Variants in NEK11 observed in about 807,000 individuals in gnomAD.
NEK11 encodes serine/threonine-protein kinase Nek11.
A neutral mutation model predicts 80.7 loss-of-function variants in NEK11; 72 were observed. The observed-to-expected ratio is 0.89, with a 90% CI of 0.74 to 1.08. The LOEUF (loss-of-function observed/expected upper bound fraction) is 1.08, where lower values mean the gene tolerates loss of function less well. Among genes scored for constraint, NEK11 ranks in the 50% least tolerant of loss-of-function variants. The pLI is 0.00. For missense variants in NEK11, 764 were observed against 763.6 expected, an observed-to-expected ratio of 1.00 and a Z score of -0.01; for synonymous variants, 251 against 260.7, an observed-to-expected ratio of 0.96 and a Z score of 0.36.
intron 3 of NEK11, among the ~76,000 whole-genome samples, chr3:131,060,417 C>T (rs1176810299): frequency 6.6e-6 from 1 of 152,168 alleles, no homozygotes; most frequent in Non-Finnish European, 1.5e-5. Context: ...ATAATTCAAT[C>T]CAAGTTTATC....
intron 17 of NEK11, among the ~76,000 whole-genome samples, chr3:131,315,972 A>AT (rs1354207187): frequency 6.6e-6 from 1 of 151,820 alleles, no homozygotes; most frequent in African/African-American, 2.4e-5. Context: ...GTATGCTTTT[A>AT]TTTTTTTAGT....
intron 17 of NEK11, among the ~76,000 whole-genome samples, chr3:131,279,222 C>T (rs905260232): frequency 1.3e-5 from 2 of 151,784 alleles, no homozygotes; most frequent in Non-Finnish European, 2.9e-5. Flanking sequence ...TGGTGGCACA[C>T]GTCTGTAATC....
At position 131,318,739 on chromosome 3, in the gene NEK11, G is replaced by GTGTA. The variant is rs1554011446; in HGVS notation, c.1719-30817_1719-30816insGTAT. Among the ~76,000 whole-genome samples the GTGTA allele has an allele frequency of 6.9e-3, 1,003 of 145,540 alleles. 5 individuals are homozygous for GTGTA. Among genetic ancestry groups the GTGTA allele is most frequent in the Admixed American group, 0.013 (183 of 14,530 alleles). On this transcript the variant is annotated intron_variant, in intron 17 of 17. Transcript: ENST00000383366. ...TTGTTTAGTATGCGTGTGTACATGTGTATATATATATATATATATTTATAA... is the reference window on the plus strand; with the variant it reads ...TTGTTTAGTATGCGTGTGTACATGTGTGTATATATATATATATATATATTTATAA...
At chr3:131,292,683 T>C (rs1264640543) in intron 17 of NEK11, among the ~76,000 whole-genome samples, 1 of 152,148 alleles carries the variant, frequency 6.6e-6, no homozygotes, top group Non-Finnish European at 1.5e-5. Context: ...GTCCAGCTAA[T>C]AGAACTAACA....
At chr3:131,105,626 C>G (rs751891521) in intron 4 of NEK11, among the ~76,000 whole-genome samples, 8 of 152,102 alleles carry the variant, frequency 5.3e-5, no homozygotes, top group Admixed American at 4.6e-4. Flanking sequence ...TGAGTGCAAG[C>G]AGGGGAAATG....
At chr3:131,293,471 T>C (rs952907365) in intron 17 of NEK11, among the ~76,000 whole-genome samples, 1 of 152,186 alleles carries the variant, frequency 6.6e-6, no homozygotes, top group East Asian at 1.9e-4. Context: ...TCTTTTTATA[T>C]ATTGTTGGAT....
chr3:131,046,719 T>G (rs2067456665), intron 3 of NEK11, among the ~76,000 whole-genome samples: 1 of 152,248 alleles, frequency 6.6e-6, no homozygotes, highest in Non-Finnish European at 1.5e-5. Context: ...CTCACAGCTC[T>G]TAAGATAGTT....
intron 14 of NEK11, among the ~76,000 whole-genome samples, chr3:131,211,044 A>G (rs1470160220): frequency 1.3e-5 from 2 of 152,166 alleles, no homozygotes; most frequent in Non-Finnish European, 2.9e-5. Context: ...TTTGCCCACT[A>G]GTTGATGCAG....
intron 7 of NEK11, among the ~76,000 whole-genome samples, chr3:131,144,398 A>G (rs575989969): frequency 3.0e-4 from 45 of 152,232 alleles, no homozygotes; most frequent in East Asian, 5.8e-4. Context: ...CCCACCCCCA[A>G]TCTGCTTTTG....
At chr3:131,327,968 G>T (rs2096999865) in intron 17 of NEK11, among the ~76,000 whole-genome samples, 2 of 152,134 alleles carry the variant, frequency 1.3e-5, no homozygotes, top group African/African-American at 4.8e-5. Flanking sequence ...GCAGCATGTG[G>T]CACATACTAA....
intron 14 of NEK11, among the ~76,000 whole-genome samples, chr3:131,210,146 C>A (rs1236884372): frequency 6.6e-6 from 1 of 152,194 alleles, no homozygotes; most frequent in Non-Finnish European, 1.5e-5. Flanking sequence ...CCTCTACACA[C>A]TGCTTTAAAT....
At position 131,170,848 on chromosome 3, in the gene NEK11, T is replaced by C; in HGVS notation, c.1360T>C (p.Ser454Pro). The C allele has an allele frequency of 3.7e-6, 6 of 1,613,982 alleles. No homozygotes were observed. Among genetic ancestry groups the C allele is most frequent in the Non-Finnish European group, 5.1e-6 (6 of 1,179,866 alleles). The change falls in exon 14 of 18, where the codon TCA (serine) becomes CCA (proline). Residue 454 changes from serine (S) to proline (P), a missense_variant. Transcript: ENST00000383366. ...IPSMDLHELESIVEDATSDLG... is the reference protein window; with the variant it reads ...IPSMDLHELEPIVEDATSDLG... ...TTCCATGGACCTCCACGAACTTGAA[T>C]CAATTGTAGAGGATGCCACATCTGA...
chr3:131,338,421 G>A (rs919782379), intron 17 of NEK11, among the ~76,000 whole-genome samples: 1 of 152,028 alleles, frequency 6.6e-6, no homozygotes, highest in Non-Finnish European at 1.5e-5. Context: ...CCAAACGGCT[G>A]AGAAGCAATA....
intron 17 of NEK11, among the ~76,000 whole-genome samples, chr3:131,300,237 TG>T (rs563304268): frequency 1.8e-4 from 27 of 152,326 alleles, no homozygotes; most frequent in Admixed American, 7.8e-4. Flanking sequence ...GTTGGTTTTT[TG>T]CTTGCTGATT....
At chr3:131,267,132 C>G (rs1392745472) in intron 16 of NEK11, among the ~76,000 whole-genome samples, 1 of 152,162 alleles carries the variant, frequency 6.6e-6, no homozygotes, top group Non-Finnish European at 1.5e-5. Flanking sequence ...TGAGTCTTGA[C>G]TCTCTATCCA....
At chr3:131,155,972 T>C (rs1263215008) in intron 10 of NEK11, among the ~76,000 whole-genome samples, 1 of 152,224 alleles carries the variant, frequency 6.6e-6, no homozygotes, top group African/African-American at 2.4e-5. Context: ...TTTTATGGTT[T>C]ATTACCTGCT....
chr3:131,037,716 A>G (rs1479576813), intron 3 of NEK11, among the ~76,000 whole-genome samples: 2 of 152,238 alleles, frequency 1.3e-5, no homozygotes, highest in African/African-American at 2.4e-5. Context: ...TATATATTGT[A>G]CCTACTAATA....
At chr3:131,104,098 T>C (rs1406222493) in intron 4 of NEK11, among the ~76,000 whole-genome samples, 1 of 152,014 alleles carries the variant, frequency 6.6e-6, no homozygotes, top group African/African-American at 2.4e-5. Flanking sequence ...CAAAAGAAGA[T>C]AGTTTGGCCT....
chr3:131,047,121 C>A (rs2067520748), intron 3 of NEK11, among the ~76,000 whole-genome samples: 1 of 152,088 alleles, frequency 6.6e-6, no homozygotes, highest in Admixed American at 6.5e-5. Context: ...TAAGTGTGTC[C>A]ATTTCCAGAA....
Sources: gnomAD v4.1 joint callset for allele counts (sites outside exome capture counted in the v4.1 genomes callset) on GRCh38, gnomAD v4.1.1 for gene constraint, MANE v1.5 for transcripts, NCBI Gene and HGNC (gene_info 2026-07-23, HGNC 2026-07-21) for gene names.